FRMD6: variants seen among roughly 807,000 people sequenced by gnomAD.
FRMD6 encodes the protein FERM domain containing 6, also known as FERM domain-containing protein 6.
Under a neutral mutation model 73.2 loss-of-function variants are expected in FRMD6, and 37 were observed. The ratio of observed to expected loss-of-function variants is 0.51; its 90% CI spans 0.39 to 0.66. The LOEUF (loss-of-function observed/expected upper bound fraction) is 0.66, where lower values mean the gene tolerates loss of function less well. Ranked by LOEUF, FRMD6 falls within the 30% of genes least tolerant of loss-of-function variation. The probability of loss-of-function intolerance (pLI) is 0.00; values close to 1 mark genes in which losing one functional copy is unlikely to be tolerated. For synonymous variants in FRMD6, 273 were observed against 282.2 expected (o/e 0.97, Z 0.33); for missense variants, 714 against 780.5 (o/e 0.91, Z 1.02).
chr14:51,535,657 T>C (rs1384540708), intron 1 of FRMD6, among the ~76,000 whole-genome samples: 2 of 152,260 alleles, frequency 1.3e-5, no homozygotes, highest in East Asian at 3.8e-4. Context: ...TTCCATTGTT[T>C]GGTTACTATG....
At chr14:51,588,205 T>C (rs1005186708) in intron 2 of FRMD6, among the ~76,000 whole-genome samples, 1 of 152,116 alleles carries the variant, frequency 6.6e-6, no homozygotes, top group Non-Finnish European at 1.5e-5. Flanking sequence ...AACCTGCAAA[T>C]GACTCAATGT....
chr14:51,400,236 G>A, the FRMD6 span, among the ~76,000 whole-genome samples: 58 of 152,264 alleles, frequency 3.8e-4, no homozygotes, highest in African/African-American at 1.4e-3. Context: ...CTGTCTAACT[G>A]AAACTGGTGC....
Position 51,548,182 on chromosome 14 carries a change from A to G in FRMD6, c.-209-22166A>G, listed in dbSNP as rs140204783. ...ATCACTAAGGCTAAACAACTGTGGC[A>G]CCAAAGGACAGGCAGCATAATTTTC... On this transcript the variant is annotated intron_variant, in intron 1 of 14. Coordinates refer to the FRMD6 transcript ENST00000356218. 2.1e-4 allele frequency among the ~76,000 whole-genome samples: 32 copies of G among 152,338 alleles called. No homozygotes were observed. The East Asian group carries it at 6.0e-3, about 28-fold the overall frequency.
the FRMD6 span, among the ~76,000 whole-genome samples, chr14:51,432,574 T>C: frequency 6.6e-6 from 1 of 152,088 alleles, no homozygotes; most frequent in South Asian, 2.1e-4. Flanking sequence ...AGGGCCCATG[T>C]TAATTGTTAA....
Position 51,523,109 on chromosome 14 carries a change from G to T in FRMD6, c.-210+33689G>T, listed in dbSNP as rs1306487368. ...TAGTTTTAAATTTTCAACAATAGGG[G>T]TGTACAAATTCATAATCAGGAAAAA... On this transcript the variant is annotated intron_variant, in intron 1 of 14. Coordinates refer to the FRMD6 transcript ENST00000356218. 5.3e-5 allele frequency: 8 copies of T among 152,220 alleles called. 1 individual carries two copies. The highest frequency in any genetic ancestry group is 1.9e-4 in the African/African-American group (8 of 41,528). The allele number at this position is 152,220 out of a possible 1,614,324, so 9.4% of individuals were successfully genotyped here. A position where few individuals can be genotyped will look rare whatever the true frequency, so the allele number is the denominator to read the frequency against.
the FRMD6 span, among the ~76,000 whole-genome samples, chr14:51,474,874 A>G: frequency 1.3e-5 from 2 of 152,222 alleles, no homozygotes; most frequent in African/African-American, 4.8e-5. Context: ...TTAACACTGC[A>G]CTAAAGATTT....
chr14:51,468,448 T>C, the FRMD6 span, among the ~76,000 whole-genome samples: 1 of 152,246 alleles, frequency 6.6e-6, no homozygotes, highest in Non-Finnish European at 1.5e-5. Flanking sequence ...TGTATTTGCA[T>C]ACTGTATCCT....
At chr14:51,721,916 G>T (rs1385482594) in intron 11 of FRMD6, 33 bp from the exon 12 acceptor site, 2 of 1,608,718 alleles carry the variant, frequency 1.2e-6, no homozygotes, top group Non-Finnish European at 1.7e-6. Context: ...TTCCCTTTTT[G>T]TCATTAACTA....
At chr14:51,606,133 G>A (rs1420040764) in intron 2 of FRMD6, among the ~76,000 whole-genome samples, 1 of 152,164 alleles carries the variant, frequency 6.6e-6, no homozygotes, top group Admixed American at 6.5e-5. Context: ...GGGGGTGGGT[G>A]TAGTCAAGAA....
the FRMD6 span, among the ~76,000 whole-genome samples, chr14:51,397,982 C>G: frequency 4.4e-4 from 67 of 151,892 alleles, no homozygotes; most frequent in African/African-American, 1.6e-3. Flanking sequence ...TTTCAGATAA[C>G]GGGTATTCAA....
At chr14:51,627,356 G>C (rs1891157643) in intron 2 of FRMD6, among the ~76,000 whole-genome samples, 1 of 152,218 alleles carries the variant, frequency 6.6e-6, no homozygotes, top group East Asian at 1.9e-4. Flanking sequence ...CATTTTATAA[G>C]TGACTGAAAA....
At chr14:51,445,316 G>A in the FRMD6 span, among the ~76,000 whole-genome samples, 1 of 152,152 alleles carries the variant, frequency 6.6e-6, no homozygotes. Flanking sequence ...AGTCTGAAGA[G>A]AACATTCCTC....
intron 2 of FRMD6, among the ~76,000 whole-genome samples, chr14:51,623,647 C>A (rs1178123423): frequency 6.6e-6 from 1 of 152,150 alleles, no homozygotes; most frequent in Non-Finnish European, 1.5e-5. Context: ...CCTGGAAGAC[C>A]TTTCTAACCA....
At chr14:51,404,838 C>T in the FRMD6 span, among the ~76,000 whole-genome samples, 2 of 152,246 alleles carry the variant, frequency 1.3e-5, no homozygotes, top group East Asian at 3.9e-4. Context: ...AAACTCTTCT[C>T]ACCAGGATAT....
At chr14:51,705,230 C>A (rs896072034) in intron 6 of FRMD6, among the ~76,000 whole-genome samples, 2 of 152,070 alleles carry the variant, frequency 1.3e-5, no homozygotes, top group Non-Finnish European at 2.9e-5. Flanking sequence ...CCTACTCTTA[C>A]CGAAGCAGTA....
chr14:51,402,971 C>T, the FRMD6 span, among the ~76,000 whole-genome samples: 3 of 151,788 alleles, frequency 2.0e-5, no homozygotes, highest in African/African-American at 7.3e-5. Flanking sequence ...TGAATACAGA[C>T]TAATACACCA....
At chr14:51,711,230 T>G (rs1450565322) in intron 7 of FRMD6, among the ~76,000 whole-genome samples, 1 of 152,182 alleles carries the variant, frequency 6.6e-6, no homozygotes, top group Non-Finnish European at 1.5e-5. Flanking sequence ...GAGTTGTCAA[T>G]AACAAGTATT....
intron 1 of FRMD6, among the ~76,000 whole-genome samples, chr14:51,658,254 A>C (rs973791293): frequency 6.6e-6 from 1 of 152,170 alleles, no homozygotes; most frequent in Non-Finnish European, 1.5e-5. Flanking sequence ...AATGAGGCAG[A>C]ATTTTTCTTC....
intron 8 of FRMD6, 21 bp from the exon 9 acceptor site, chr14:51,712,462 A>C: frequency 7.0e-7 from 1 of 1,420,252 alleles, no homozygotes; most frequent in Non-Finnish European, 9.9e-7. Flanking sequence ...CATTAACTCC[A>C]TATGCATATT....
Sources: allele counts gnomAD v4.1 joint callset (sites outside exome capture counted in the v4.1 genomes callset), GRCh38; gene constraint gnomAD v4.1.1; transcripts MANE v1.5; gene names NCBI Gene and HGNC (gene_info 2026-07-23, HGNC 2026-07-21).